The following STK32B variants were observed in gnomAD, a reference collection of about 807,000 sequenced individuals.
The protein encoded by STK32B is serine/threonine kinase 32B, also known as serine/threonine-protein kinase 32B.
Under a neutral mutation model 52.6 loss-of-function variants are expected in STK32B, and 43 were observed. The ratio of observed to expected loss-of-function variants is 0.82; its 90% CI spans 0.64 to 1.05. The LOEUF (loss-of-function observed/expected upper bound fraction) is 1.05. Ranked by LOEUF, STK32B falls within the 50% of genes least tolerant of loss-of-function variation. The pLI is 0.00. For synonymous variants in STK32B, 238 were observed against 204.3 expected (o/e 1.17, Z -1.41); for missense variants, 621 against 534.6 (o/e 1.16, Z -1.59).
At chr4:5,391,893 T>C (rs1420582257) in intron 4 of STK32B, among the ~76,000 whole-genome samples, 1 of 152,204 alleles carries the variant, frequency 6.6e-6, no homozygotes, top group Non-Finnish European at 1.5e-5. Context: ...TGTCAGATTT[T>C]AAAGTGGACA....
chr4:5,184,695 A>AAAAAAAAAAAAAAAAAAG (rs58321341), intron 3 of STK32B, among the ~76,000 whole-genome samples: 2 of 137,560 alleles, frequency 1.5e-5, no homozygotes, highest in Non-Finnish European at 3.1e-5. Flanking sequence ...AAAAAAAAAA[A>AAAAAAAAAAAAAAAAAAG]AAGAAGAAGA....
chr4:5,088,118 C>T (rs6818697), intron 1 of STK32B, among the ~76,000 whole-genome samples: 143,330 of 152,106 alleles, frequency 0.94, 68,107 homozygotes, highest in East Asian at 1. Context: ...CAGAAAAAAG[C>T]TAGGAATCAA....
intron 3 of STK32B, among the ~76,000 whole-genome samples, chr4:5,312,193 C>G (rs184703361): frequency 0.011 from 1,711 of 150,468 alleles, 22 homozygotes; most frequent in South Asian, 0.058. Flanking sequence ...CTTTGCCATC[C>G]TAAGATCACA....
chr4:5,133,107 C>A (rs1279847879), intron 1 of STK32B, among the ~76,000 whole-genome samples: 2 of 152,204 alleles, frequency 1.3e-5, no homozygotes, highest in African/African-American at 2.4e-5. Flanking sequence ...CAGAATTTAC[C>A]ACTTTCTGCC....
intron 3 of STK32B, among the ~76,000 whole-genome samples, chr4:5,210,328 C>T (rs1237910785): frequency 6.6e-6 from 1 of 152,100 alleles, no homozygotes; most frequent in Non-Finnish European, 1.5e-5. Context: ...ACCTTCTGCC[C>T]TTCCCCATCT....
chr4:5,115,005 C>G (rs716675), intron 1 of STK32B, among the ~76,000 whole-genome samples: 43,736 of 152,022 alleles, frequency 0.29, 7,251 homozygotes, highest in East Asian at 0.51. Context: ...GACACCTGCT[C>G]GACATGGGGG....
intron 3 of STK32B, among the ~76,000 whole-genome samples, chr4:5,228,834 G>A (rs1374471474): frequency 6.6e-6 from 1 of 152,148 alleles, no homozygotes; most frequent in Non-Finnish European, 1.5e-5. Context: ...GGGCATGGTG[G>A]TGGGTGCCTG....
At chr4:5,205,332 A>C (rs1168808735) in intron 3 of STK32B, among the ~76,000 whole-genome samples, 1 of 152,184 alleles carries the variant, frequency 6.6e-6, no homozygotes, top group Non-Finnish European at 1.5e-5. Context: ...AATCTCCATA[A>C]TCCTGTGAGC....
intron 1 of STK32B, among the ~76,000 whole-genome samples, chr4:5,083,821 C>T (rs1236706156): frequency 1.3e-5 from 2 of 151,796 alleles, no homozygotes; most frequent in African/African-American, 4.8e-5. Context: ...ACTGCAACCT[C>T]CAACTCCTGG....
chr4:5,179,647 A>T (rs1194986124), intron 3 of STK32B, among the ~76,000 whole-genome samples: 1 of 152,212 alleles, frequency 6.6e-6, no homozygotes, highest in African/African-American at 2.4e-5. Flanking sequence ...TCAAGCTACA[A>T]GTTAAAAGGA....
rs2108920677 is a variant in STK32B, at chr4:5,316,236, AT to A, written c.261-14982del. On this transcript the variant is annotated intron_variant, in intron 3 of 11. Coordinates refer to ENST00000282908, the MANE Select transcript of STK32B (RefSeq NM_018401.3). ...TTACATAATATATTATATATACAAT[AT>A]TATATATTGTATATATAATATATTA... Among the ~76,000 whole-genome samples, 3 of 70,870 alleles carry A rather than the reference AT, an allele frequency of 4.2e-5. 1 individual carries two copies. The South Asian group carries it at 1.3e-3, about 30-fold the overall frequency. The allele number at this position is 70,870 out of a possible 152,430, so 46.5% of individuals were successfully genotyped here. A position where few individuals can be genotyped will look rare whatever the true frequency, so the allele number is the denominator to read the frequency against.
At chr4:5,250,310 CT>C (rs143911318) in intron 3 of STK32B, among the ~76,000 whole-genome samples, 10,225 of 119,174 alleles carry the variant, frequency 0.086, 282 homozygotes, top group Admixed American at 0.16. Flanking sequence ...GTTTTAAGTT[CT>C]TTTTTTTTTT....
At chr4:5,264,574 C>T (rs563117921) in intron 3 of STK32B, among the ~76,000 whole-genome samples, 28 of 151,888 alleles carry the variant, frequency 1.8e-4, no homozygotes, top group Admixed American at 1.6e-3. Flanking sequence ...ATCACGAGGT[C>T]GGGGGATCGA....
chr4:5,315,328 A>G (rs1481889600), intron 3 of STK32B, among the ~76,000 whole-genome samples: 2 of 152,206 alleles, frequency 1.3e-5, no homozygotes, highest in South Asian at 2.1e-4. Context: ...GATAACATCA[A>G]GTGAAACAAA....
chr4:5,382,015 C>T (rs1735964566), intron 4 of STK32B, among the ~76,000 whole-genome samples: 1 of 152,154 alleles, frequency 6.6e-6, no homozygotes, highest in Non-Finnish European at 1.5e-5. Context: ...AGTTCAAATC[C>T]AAAGGCCATC....
At chr4:5,329,724 A>G (rs1732107624) in intron 3 of STK32B, among the ~76,000 whole-genome samples, 1 of 152,186 alleles carries the variant, frequency 6.6e-6, no homozygotes, top group African/African-American at 2.4e-5. Context: ...GCCTCTGGTA[A>G]ATTCATGATC....
At chr4:5,257,520 A>G (rs1726407319) in intron 3 of STK32B, among the ~76,000 whole-genome samples, 1 of 152,212 alleles carries the variant, frequency 6.6e-6, no homozygotes, top group Admixed American at 6.5e-5. Flanking sequence ...CATCAGCCCT[A>G]TGGGTCTTCT....
At chr4:5,315,935 C>A (rs895871802) in intron 3 of STK32B, among the ~76,000 whole-genome samples, 3 of 150,510 alleles carry the variant, frequency 2.0e-5, no homozygotes, top group African/African-American at 7.3e-5. Context: ...GAACTCCTGA[C>A]CTCAGGTGAT....
In STK32B at chr4:5,468,090, C is replaced by T. The variant is rs1291161513; in HGVS notation, c.1106+20C>T. 2 of 1,612,670 alleles carry T rather than the reference C, an allele frequency of 1.2e-6. No homozygotes were observed. The highest frequency in any genetic ancestry group is 1.7e-5 in the Admixed American group (1 of 60,018). On this transcript the variant is annotated intron_variant, in intron 11 of 11. Coordinates refer to ENST00000282908, the MANE Select transcript of STK32B (RefSeq NM_018401.3). ...AGAGAAGTAAGTCCTTCATACTGTCCCCCTTGGGCAAAGCCTGTCCTAAGT... is the reference window on the plus strand; with the variant it reads ...AGAGAAGTAAGTCCTTCATACTGTCTCCCTTGGGCAAAGCCTGTCCTAAGT...
Sources: gnomAD v4.1 joint callset for allele counts (sites outside exome capture counted in the v4.1 genomes callset) on GRCh38, gnomAD v4.1.1 for gene constraint, MANE v1.5 for transcripts, NCBI Gene and HGNC (gene_info 2026-07-23, HGNC 2026-07-21) for gene names.